KCNB2: variants seen among roughly 807,000 people sequenced by gnomAD.
KCNB2 encodes potassium voltage-gated channel subfamily B member 2.
KCNB2 carries 15 observed loss-of-function variants against 61.5 expected under a neutral mutation model. The observed-to-expected ratio is 0.24, with a 90% CI of 0.16 to 0.38. KCNB2 has a LOEUF of 0.38. Among genes scored for constraint, KCNB2 ranks in the 10% least tolerant of loss-of-function variants. The pLI, the probability that KCNB2 is intolerant of heterozygous loss-of-function variation, is 1.00. For synonymous variants in KCNB2, 457 were observed against 446.0 expected (o/e 1.02, Z -0.31); for missense variants, 828 against 1,125.2 (o/e 0.74, Z 3.78).
chr8:72,643,019 C>G (rs551719309), intron 2 of KCNB2, among the ~76,000 whole-genome samples: 15 of 152,242 alleles, frequency 9.9e-5, no homozygotes, highest in African/African-American at 3.4e-4. Context: ...GAAATTTAAA[C>G]TAGTCTACCA....
At chr8:72,603,940 G>A (rs1414618553) in intron 2 of KCNB2, among the ~76,000 whole-genome samples, 1 of 152,136 alleles carries the variant, frequency 6.6e-6, no homozygotes, top group Non-Finnish European at 1.5e-5. Flanking sequence ...CAGAATATTG[G>A]AGAAAGATAT....
intron 2 of KCNB2, among the ~76,000 whole-genome samples, chr8:72,804,608 G>C (rs1190296926): frequency 6.6e-6 from 1 of 152,150 alleles, no homozygotes; most frequent in African/African-American, 2.4e-5. Context: ...CAACTCCCCT[G>C]AGGTTAAGCC....
intron 2 of KCNB2, among the ~76,000 whole-genome samples, chr8:72,594,053 A>G (rs2128981722): frequency 6.6e-6 from 1 of 152,332 alleles, no homozygotes; most frequent in South Asian, 2.1e-4. Context: ...GTAGAAAGAT[A>G]AGTGAAACTA....
chr8:72,774,663 A>G (rs1332253408), intron 2 of KCNB2, among the ~76,000 whole-genome samples: 1 of 152,086 alleles, frequency 6.6e-6, no homozygotes, highest in Non-Finnish European at 1.5e-5. Context: ...CATCTTAATT[A>G]TATATACACA....
chr8:72,701,843 A>G (rs1174640727), intron 2 of KCNB2, among the ~76,000 whole-genome samples: 1 of 152,150 alleles, frequency 6.6e-6, no homozygotes, highest in East Asian at 1.9e-4. Context: ...TTATATGGAC[A>G]TATCATTATT....
intron 2 of KCNB2, among the ~76,000 whole-genome samples, chr8:72,825,052 C>T (rs925057510): frequency 5.9e-5 from 9 of 152,196 alleles, no homozygotes; most frequent in Non-Finnish European, 1.2e-4. Flanking sequence ...ACTAATTCGT[C>T]TTTCCTCTCT....
At chr8:72,864,267 C>T (rs962025424) in intron 2 of KCNB2, among the ~76,000 whole-genome samples, 10 of 152,142 alleles carry the variant, frequency 6.6e-5, no homozygotes, top group African/African-American at 2.4e-4. Flanking sequence ...GAGTCCAGTG[C>T]CCCCAGTGTC....
Position 72,777,801 on chromosome 8 carries a change from A to C in KCNB2, c.580-158134A>C, listed in dbSNP as rs537612322. ...TTCTACCATTTTTAAGACAAGAAAC[A>C]TATATATCACTCTTCAAAAAAGTTG... is the stretch of plus-strand genomic sequence containing the variant. On this transcript the variant is annotated intron_variant, in intron 2 of 2. Transcript: ENST00000523207. Among the ~76,000 whole-genome samples the C allele has an allele frequency of 3.3e-5, 5 of 151,898 alleles. No individual in the cohort carries two copies. In the South Asian group the frequency reaches 1.0e-3, roughly 31 times the overall value.
chr8:72,938,080 A>G lies in KCNB2; in HGVS notation c.2725A>G (p.Thr909Ala), dbSNP rs200182849. Residue 909 changes from threonine to alanine, a missense_variant, in exon 3 of 3, where the codon ACC becomes GCC. Coordinates refer to ENST00000523207, the MANE Select transcript of KCNB2 (RefSeq NM_004770.3). ...GDTGYCPTRE[T>A]SM ...CACAGGTTATTGTCCCACACGTGAA[A>G]CCAGCATGTGACTAGTTACAAAAGC... 4 of 1,603,710 alleles carry G rather than the reference A, an allele frequency of 2.5e-6. No individual in the cohort carries two copies. Among genetic ancestry groups the G allele is most frequent in the Non-Finnish European group, 3.4e-6 (4 of 1,174,944 alleles).
chr8:72,732,510 A>G (rs1443798534), intron 2 of KCNB2, among the ~76,000 whole-genome samples: 2 of 152,244 alleles, frequency 1.3e-5, no homozygotes, highest in African/African-American at 2.4e-5. Context: ...TATGTGACTA[A>G]CAGAATTGAG....
intron 2 of KCNB2, among the ~76,000 whole-genome samples, chr8:72,577,403 C>A (rs1806815125): frequency 6.6e-6 from 1 of 152,004 alleles, no homozygotes; most frequent in African/African-American, 2.4e-5. Flanking sequence ...AAAGAACCCA[C>A]CTGCAGAAAA....
intron 2 of KCNB2, among the ~76,000 whole-genome samples, chr8:72,642,123 G>C (rs78896174): frequency 1.3e-5 from 2 of 152,190 alleles, no homozygotes; most frequent in African/African-American, 4.8e-5. Context: ...CTCTAGCTAC[G>C]TGTGGCTACT....
At chr8:72,839,959 G>C (rs1228901019) in intron 2 of KCNB2, among the ~76,000 whole-genome samples, 1 of 151,200 alleles carries the variant, frequency 6.6e-6, no homozygotes, top group Non-Finnish European at 1.5e-5. Flanking sequence ...TGTGCAGAAC[G>C]TGCAGGTTTG....
At chr8:72,598,234 T>G (rs1162404578) in intron 2 of KCNB2, among the ~76,000 whole-genome samples, 1 of 152,078 alleles carries the variant, frequency 6.6e-6, no homozygotes, top group Non-Finnish European at 1.5e-5. Context: ...CAGCAGCACA[T>G]CAAAAAGCTT....
At chr8:72,556,111 C>T (rs1806422386) in intron 1 of KCNB2, among the ~76,000 whole-genome samples, 2 of 152,196 alleles carry the variant, frequency 1.3e-5, no homozygotes, top group Admixed American at 6.6e-5. Context: ...CTCAGGGCTT[C>T]AGTTGGTCCA....
intron 2 of KCNB2, among the ~76,000 whole-genome samples, chr8:72,622,392 A>G (rs74923628): frequency 6.6e-6 from 1 of 152,350 alleles, no homozygotes; most frequent in East Asian, 1.9e-4. Context: ...CTCCAATAAT[A>G]GGAGACATTC....
At chr8:72,794,452 CT>C (rs1181721637) in intron 2 of KCNB2, among the ~76,000 whole-genome samples, 7 of 150,708 alleles carry the variant, frequency 4.6e-5, no homozygotes, top group African/African-American at 1.5e-4. Flanking sequence ...GTAATCCCAG[CT>C]ACTTGGGAGG....
chr8:72,627,609 C>G (rs1805810129), intron 2 of KCNB2, among the ~76,000 whole-genome samples: 1 of 152,166 alleles, frequency 6.6e-6, no homozygotes, highest in African/African-American at 2.4e-5. Context: ...AAAACTGCAT[C>G]CAGATGAACA....
At chr8:72,676,769 G>A (rs577519134) in intron 2 of KCNB2, among the ~76,000 whole-genome samples, 39 of 152,120 alleles carry the variant, frequency 2.6e-4, no homozygotes, top group African/African-American at 7.0e-4. Flanking sequence ...CTTGTATTTC[G>A]TTGAGGAAAT....
Sources: allele counts gnomAD v4.1 joint callset (sites outside exome capture counted in the v4.1 genomes callset), GRCh38; gene constraint gnomAD v4.1.1; transcripts MANE v1.5; gene names NCBI Gene and HGNC (gene_info 2026-07-23, HGNC 2026-07-21).